Variants in ATP1B3 observed in about 807,000 individuals in gnomAD.
The protein encoded by ATP1B3 is ATPase Na+/K+ transporting subunit beta 3, also known as sodium/potassium-transporting ATPase subunit beta-3.
ATP1B3 carries 10 observed loss-of-function variants against 30.2 expected under a neutral mutation model. The ratio of observed to expected loss-of-function variants is 0.33; its 90% CI spans 0.20 to 0.56. The LOEUF is 0.56. Ranked by LOEUF, ATP1B3 falls within the 20% of genes least tolerant of loss-of-function variation. The pLI, the probability that ATP1B3 is intolerant of heterozygous loss-of-function variation, is 0.90. For synonymous variants in ATP1B3, 113 were observed against 117.0 expected, an observed-to-expected ratio of 0.97 and a Z score of 0.22; for missense variants, 238 against 336.7, an observed-to-expected ratio of 0.71 and a Z score of 2.29.
chr3:141,910,025 C>G (rs75169564), intron 3 of ATP1B3, among the ~76,000 whole-genome samples: 4,228 of 152,160 alleles, frequency 0.028, 65 homozygotes, highest in Non-Finnish European at 0.046. Context: ...TCTCTGTCAC[C>G]CAGTGGCACA....
At chr3:141,918,060 G>C (rs572931283) in intron 5 of ATP1B3, among the ~76,000 whole-genome samples, 1 of 151,964 alleles carries the variant, frequency 6.6e-6, no homozygotes, top group Non-Finnish European at 1.5e-5. Flanking sequence ...GAGCCACCGC[G>C]CCCAGCTGAG....
chr3:141,918,084 ATTC>A (rs1934501613), intron 5 of ATP1B3, among the ~76,000 whole-genome samples: 1 of 152,000 alleles, frequency 6.6e-6, no homozygotes, highest in Non-Finnish European at 1.5e-5. Flanking sequence ...TTCTTGATAA[ATTC>A]TTCTAAAAAT....
Position 141,899,740 on chromosome 3 carries a change from A to C in ATP1B3, c.110-3880A>C, listed in dbSNP as rs367652634. On this transcript the variant is annotated intron_variant, in intron 1 of 6. Transcript: ENST00000286371. ...CAAAATTAGCCAGGTGTGGTGACAC[A>C]TGCCTGTAATCCCAGCTACTCAGGA... Among the ~76,000 whole-genome samples, 171 of 152,280 alleles carry C rather than the reference A, an allele frequency of 1.1e-3. 8 individuals carry two copies. The South Asian group carries it at 0.035, about 31-fold the overall frequency.
At chr3:141,919,896 G>A (rs1934536700) in intron 5 of ATP1B3, among the ~76,000 whole-genome samples, 2 of 151,754 alleles carry the variant, frequency 1.3e-5, no homozygotes, top group Non-Finnish European at 2.9e-5. Context: ...CCATGATCGC[G>A]CCACTCCACT....
intron 6 of ATP1B3, among the ~76,000 whole-genome samples, chr3:141,924,017 T>C (rs899502498): frequency 1.3e-5 from 2 of 152,188 alleles, no homozygotes; most frequent in Non-Finnish European, 2.9e-5. Context: ...TTTTCCTCTG[T>C]CATCAATAAG....
chr3:141,906,246 C>T (rs1002074134), intron 2 of ATP1B3, among the ~76,000 whole-genome samples: 13 of 151,532 alleles, frequency 8.6e-5, no homozygotes, highest in African/African-American at 3.2e-4. Context: ...ATGGCACGAT[C>T]TCGGCTCACT....
intron 5 of ATP1B3, among the ~76,000 whole-genome samples, chr3:141,917,689 TCA>T (rs547029001): frequency 1.3e-5 from 2 of 151,614 alleles, no homozygotes; most frequent in African/African-American, 2.4e-5. Flanking sequence ...TGAGACTCCA[TCA>T]CACACACACA....
intron 5 of ATP1B3, chr3:141,918,926 T>C (rs1230566837): frequency 6.6e-6 from 1 of 152,246 alleles, no homozygotes; most frequent in Non-Finnish European, 1.5e-5. Context: ...GTTTTAATTT[T>C]GTTTATTTAG....
At chr3:141,916,268 C>A in intron 5 of ATP1B3, 1 of 511,986 alleles carries the variant, frequency 2.0e-6, no homozygotes, top group Non-Finnish European at 3.8e-6. Flanking sequence ...TTCATCAATT[C>A]TAAGATTCAC....
chr3:141,896,162 G>A (rs1329603221), intron 1 of ATP1B3, among the ~76,000 whole-genome samples: 4 of 151,838 alleles, frequency 2.6e-5, no homozygotes, highest in African/African-American at 7.3e-5. Context: ...GAGCAGCCTG[G>A]ACAACAGAGC....
At chr3:141,908,065 A>G (rs895938505) in intron 3 of ATP1B3, among the ~76,000 whole-genome samples, 1 of 92,218 alleles carries the variant, frequency 1.1e-5, no homozygotes, top group African/African-American at 4.7e-5. Flanking sequence ...TGTGCCAGGC[A>G]TTCTTTTTTT....
rs1427860721 is a variant in ATP1B3, at chr3:141,918,899, TAATC to T, written c.582+2882_582+2885del. ...AGAGAGGTGTGTGAAGTACATAAAA[TAATC>T]AAAGCAGGTGGAGTTTTAATTTTGT... On this transcript the variant is annotated intron_variant, in intron 5 of 6. Coordinates refer to ENST00000286371, the MANE Select transcript of ATP1B3 (RefSeq NM_001679.4). 8 of 152,250 alleles carry T rather than the reference TAATC, an allele frequency of 5.3e-5. No individual in the cohort carries two copies. The East Asian group carries it at 1.5e-3, about 29-fold the overall frequency. The allele number at this position is 152,250 out of a possible 1,614,324, so 9.4% of individuals were successfully genotyped here. A position where few individuals can be genotyped will look rare whatever the true frequency, so the allele number is the denominator to read the frequency against.
At position 141,921,990 on chromosome 3, in the gene ATP1B3, C is replaced by G. The variant is rs775710339; in HGVS notation, c.596C>G (p.Pro199Arg). ...IDCVSKNEDIPNVAVYPHNGM... is the reference protein window; with the variant it reads ...IDCVSKNEDIRNVAVYPHNGM... Reference sequence around the variant, plus strand: ...TTTCAACTTCAGAATGAAGATATACCAAATGTAGCAGTTTATCCTCATAAT... The same window carrying G: ...TTTCAACTTCAGAATGAAGATATACGAAATGTAGCAGTTTATCCTCATAAT... The change falls in exon 6 of 7, where the codon CCA becomes CGA. Residue 199 changes from proline to arginine, a missense_variant. Physicochemically the swap from Pro to Arg is moderately radical, Grantham distance 103. Around this residue, in one of 3 missense-constraint regions of ATP1B3, gnomAD observed 58 missense variants for 125.6 expected, o/e 0.46. Transcript: ENST00000286371. The G allele has an allele frequency of 6.6e-7, 1 of 1,525,930 alleles. No individual in the cohort carries two copies. The highest frequency in any genetic ancestry group is 8.9e-7 in the Non-Finnish European group (1 of 1,125,716). 94.5% of individuals were successfully genotyped at this position (1,525,930 alleles called of 1,614,324 possible).
At chr3:141,919,664 C>T (rs538450999) in intron 5 of ATP1B3, among the ~76,000 whole-genome samples, 6 of 152,102 alleles carry the variant, frequency 3.9e-5, no homozygotes, top group African/African-American at 1.4e-4. Context: ...TATTGCCGGA[C>T]GCGGTGGCTT....
At chr3:141,905,915 T>C (rs1934255667) in intron 2 of ATP1B3, among the ~76,000 whole-genome samples, 1 of 152,034 alleles carries the variant, frequency 6.6e-6, no homozygotes, top group African/African-American at 2.4e-5. Context: ...TAAAGTATCA[T>C]TAGTTTAAAT....
At position 141,919,055 on chromosome 3, in the gene ATP1B3, AG is replaced by A. The variant is rs1332961277; in HGVS notation, c.583-2921del. 2.0e-5 allele frequency: 3 copies of A among 152,270 alleles called. No homozygotes were observed. In the East Asian group the frequency reaches 5.8e-4, roughly 29 times the overall value. 9.4% of individuals were successfully genotyped at this position (152,270 alleles called of 1,614,324 possible). ...AAACCAGTTAGAACCCATAAATTTT[AG>A]AAGTGTGGCTCTCCAGAACAGATGG... On this transcript the variant is annotated intron_variant, in intron 5 of 6. Transcript: ENST00000286371.
chr3:141,904,538 T>C (rs1316507957), intron 2 of ATP1B3, among the ~76,000 whole-genome samples: 2 of 152,138 alleles, frequency 1.3e-5, no homozygotes, highest in African/African-American at 4.8e-5. Context: ...AGTTGTTAAA[T>C]AATGATACCT....
At chr3:141,908,974 T>A (rs1934309438) in intron 3 of ATP1B3, among the ~76,000 whole-genome samples, 1 of 152,162 alleles carries the variant, frequency 6.6e-6, no homozygotes, top group African/African-American at 2.4e-5. Flanking sequence ...CTGCTTTGGA[T>A]CTCATCCTCT....
intron 3 of ATP1B3, among the ~76,000 whole-genome samples, chr3:141,910,087 T>G (rs970367401): frequency 1.3e-5 from 2 of 152,212 alleles, no homozygotes; most frequent in African/African-American, 4.8e-5. Context: ...TCCTCCTGCC[T>G]CAGCCTCTTG....
Sources: gnomAD v4.1 joint callset for allele counts (sites outside exome capture counted in the v4.1 genomes callset) on GRCh38, gnomAD v4.1.1 for gene constraint, gnomAD v4.1.1 regional missense constraint, MANE v1.5 for transcripts, NCBI Gene and HGNC (gene_info 2026-07-23, HGNC 2026-07-21) for gene names.